Variants in RYR2 observed in about 807,000 individuals in gnomAD.
RYR2 encodes the protein cardiac muscle ryanodine receptor-calcium release channel.
RYR2 carries 227 observed loss-of-function variants against 601.1 expected under a neutral mutation model. The observed-to-expected ratio is 0.38, with a 90% CI of 0.34 to 0.42. The LOEUF is 0.42. Among genes scored for constraint, RYR2 ranks in the 10% least tolerant of loss-of-function variants. The pLI is 1.00. For missense variants in RYR2, 4,646 were observed against 6,156.5 expected, an observed-to-expected ratio of 0.75 and a Z score of 8.21; for synonymous variants, 2,223 against 2,175.1, an observed-to-expected ratio of 1.02 and a Z score of -0.61.
At chr1:237,280,036 A>G (rs567779317) in intron 2 of RYR2, among the ~76,000 whole-genome samples, 3 of 152,216 alleles carry the variant, frequency 2.0e-5, no homozygotes, top group Non-Finnish European at 4.4e-5. Flanking sequence ...TCCAATTTCT[A>G]TGGCGTCACT....
intron 29 of RYR2, among the ~76,000 whole-genome samples, chr1:237,575,286 GT>G (rs1373312919): frequency 6.6e-6 from 1 of 152,190 alleles, no homozygotes; most frequent in African/African-American, 2.4e-5. Flanking sequence ...TAATCAAGCT[GT>G]GATACTCCTC....
intron 11 of RYR2, among the ~76,000 whole-genome samples, chr1:237,420,472 A>G (rs1331041347): frequency 6.6e-6 from 1 of 152,176 alleles, no homozygotes; most frequent in Admixed American, 6.5e-5. Flanking sequence ...ATAAAACTCC[A>G]TTACTATTGC....
Position 237,331,000 on chromosome 1 carries a change from G to A in RYR2, c.273+18G>A, listed in dbSNP as rs371912039. 93 of 1,573,360 alleles carry A rather than the reference G, an allele frequency of 5.9e-5. No individual in the cohort carries two copies. In the African/African-American group the frequency reaches 8.2e-4, roughly 14 times the overall value. On this transcript the variant is annotated intron_variant, in intron 3 of 104. Coordinates refer to ENST00000366574, the MANE Select transcript of RYR2 (RefSeq NM_001035.3). ...CAGAAGGGGCAAGTACCCAATTTATGTAGACTTGTAGTATTTTAATGAGCT... is the reference window on the plus strand; with the variant it reads ...CAGAAGGGGCAAGTACCCAATTTATATAGACTTGTAGTATTTTAATGAGCT...
At chr1:237,305,147 T>C (rs1004154511) in intron 2 of RYR2, among the ~76,000 whole-genome samples, 4 of 152,202 alleles carry the variant, frequency 2.6e-5, no homozygotes, top group South Asian at 2.1e-4. Context: ...CTTAGGTATA[T>C]ATTCTAGCAA....
chr1:237,254,269 G>C (rs1414474405), intron 1 of RYR2, among the ~76,000 whole-genome samples: 1 of 152,106 alleles, frequency 6.6e-6, no homozygotes, highest in African/African-American at 2.4e-5. Context: ...AAATACACTT[G>C]CTGAAGGTCA....
chr1:237,587,716 T>C (rs1201858275), intron 29 of RYR2, among the ~76,000 whole-genome samples: 6 of 152,340 alleles, frequency 3.9e-5, no homozygotes, highest in South Asian at 2.1e-4. Flanking sequence ...TAAATATTTG[T>C]GCATATTACT....
At chr1:237,587,081 T>C (rs1443722699) in intron 29 of RYR2, among the ~76,000 whole-genome samples, 1 of 152,184 alleles carries the variant, frequency 6.6e-6, no homozygotes, top group Non-Finnish European at 1.5e-5. Context: ...TGGATCTGTG[T>C]TAGTCATCTT....
At chr1:237,047,106 A>C (rs1368939437) in intron 1 of RYR2, among the ~76,000 whole-genome samples, 1 of 152,226 alleles carries the variant, frequency 6.6e-6, no homozygotes, top group Non-Finnish European at 1.5e-5. Flanking sequence ...GCCCAGTGTC[A>C]CACTCCAAGT....
intron 1 of RYR2, among the ~76,000 whole-genome samples, chr1:237,067,090 G>T (rs1394289745): frequency 2.6e-5 from 4 of 152,056 alleles, no homozygotes; most frequent in African/African-American, 9.7e-5. Flanking sequence ...CTCCTGGTTT[G>T]TAGCTCATCA....
In RYR2 at chr1:237,769,974, A is replaced by G. The variant is rs1054241479; in HGVS notation, c.11477-833A>G. Among the ~76,000 whole-genome samples the G allele has an allele frequency of 2.6e-5, 4 of 152,242 alleles. No individual in the cohort carries two copies. In the East Asian group the frequency reaches 7.7e-4, roughly 29 times the overall value. Reference sequence around the variant, plus strand: ...TAACTTGTGATCAAGATACCTTTAAATTGAAATACAAGTAAACTGAGCCCT... The same window carrying G: ...TAACTTGTGATCAAGATACCTTTAAGTTGAAATACAAGTAAACTGAGCCCT... On this transcript the variant is annotated intron_variant, in intron 84 of 104. Transcript: ENST00000366574.
At chr1:237,204,577 C>T (rs771690405) in intron 1 of RYR2, among the ~76,000 whole-genome samples, 21 of 152,056 alleles carry the variant, frequency 1.4e-4, no homozygotes, top group Admixed American at 1.2e-3. Context: ...CCCACCCTAA[C>T]AGCCATGTCA....
At chr1:237,795,839 T>TATATATATATACAC (rs1170956111) in intron 96 of RYR2, among the ~76,000 whole-genome samples, 1 of 113,200 alleles carries the variant, frequency 8.8e-6, no homozygotes, top group African/African-American at 4.6e-5. Context: ...TGTGTGTGTA[T>TATATATATATACAC]ATATATATAT....
At chr1:237,121,715 A>T (rs1670797412) in intron 1 of RYR2, among the ~76,000 whole-genome samples, 1 of 152,180 alleles carries the variant, frequency 6.6e-6, no homozygotes, top group Non-Finnish European at 1.5e-5. Flanking sequence ...ATAGTCAAGT[A>T]TATGTTCTGT....
chr1:237,634,830 A>G, intron 43 of RYR2, 59 bp from the exon 44 acceptor site: 1 of 1,279,446 alleles, frequency 7.8e-7, no homozygotes, highest in Non-Finnish European at 1.1e-6. Context: ...ATATTTTTGT[A>G]TGGAGTTTAT....
intron 1 of RYR2, among the ~76,000 whole-genome samples, chr1:237,111,554 C>G (rs988875548): frequency 6.9e-6 from 1 of 143,888 alleles, no homozygotes; most frequent in African/African-American, 2.6e-5. Flanking sequence ...TGCCGCTGCA[C>G]TCTAGCCTGG....
chr1:237,723,750 T>C (rs766425121), intron 74 of RYR2, among the ~76,000 whole-genome samples: 15 of 152,098 alleles, frequency 9.9e-5, no homozygotes, highest in Non-Finnish European at 5.9e-5. Flanking sequence ...CAGGAACAAA[T>C]TACACTTAGA....
At chr1:237,508,901 C>T (rs1176125428) in intron 23 of RYR2, among the ~76,000 whole-genome samples, 1 of 151,048 alleles carries the variant, frequency 6.6e-6, no homozygotes, top group African/African-American at 2.4e-5. Context: ...CGCTACCACG[C>T]CCGGCTAATT....
intron 11 of RYR2, among the ~76,000 whole-genome samples, chr1:237,422,657 A>G (rs1230107950): frequency 6.6e-6 from 1 of 152,162 alleles, no homozygotes; most frequent in African/African-American, 2.4e-5. Flanking sequence ...CCACAATACT[A>G]CTGTTTTTCA....
At chr1:237,360,588 G>A (rs1455597333) in intron 4 of RYR2, among the ~76,000 whole-genome samples, 2 of 152,134 alleles carry the variant, frequency 1.3e-5, no homozygotes, top group African/African-American at 4.8e-5. Flanking sequence ...TCTGTACAGA[G>A]CTGTTTATAG....
Sources: gnomAD v4.1 joint callset for allele counts (sites outside exome capture counted in the v4.1 genomes callset) on GRCh38, gnomAD v4.1.1 for gene constraint, MANE v1.5 for transcripts, NCBI Gene and HGNC (gene_info 2026-07-23, HGNC 2026-07-21) for gene names.